The following ACAA2 variants were observed in gnomAD, a reference collection of about 807,000 sequenced individuals.
ACAA2 encodes 3-ketoacyl-CoA thiolase, mitochondrial.
ACAA2 carries 35 observed loss-of-function variants against 44.8 expected under a neutral mutation model. That is an observed-to-expected ratio of 0.78 (90% CI 0.60 to 1.04). The LOEUF (loss-of-function observed/expected upper bound fraction) is 1.04. Ranked by LOEUF, ACAA2 falls within the 50% of genes least tolerant of loss-of-function variation. The probability of loss-of-function intolerance (pLI) is 0.00; values close to 1 mark genes in which losing one functional copy is unlikely to be tolerated. For missense variants in ACAA2, 468 were observed against 482.6 expected, an observed-to-expected ratio of 0.97 and a Z score of 0.28; for synonymous variants, 142 against 166.5, an observed-to-expected ratio of 0.85 and a Z score of 1.13.
intron 1 of ACAA2, among the ~76,000 whole-genome samples, chr18:49,805,403 A>G (rs1423240608): frequency 6.6e-6 from 1 of 152,208 alleles, no homozygotes; most frequent in Non-Finnish European, 1.5e-5. Context: ...TTTTTTACAG[A>G]TACAAATTCA....
At chr18:49,802,624 A>T (rs1323532974) in intron 2 of ACAA2, 63 bp downstream of exon 2, 10 of 1,462,572 alleles carry the variant, frequency 6.8e-6, no homozygotes, top group Non-Finnish European at 9.3e-6. Context: ...ATGTTAAAGG[A>T]ATTATTTTTA....
At position 49,792,473 on chromosome 18, in the gene ACAA2, C is replaced by G. The variant is rs991069210; in HGVS notation, c.578-146G>C. 3 of 781,684 alleles carry G rather than the reference C, an allele frequency of 3.8e-6. No individual in the cohort carries two copies. The African/African-American group carries it at 5.3e-5, about 14-fold the overall frequency. The allele number at this position is 781,684 out of a possible 1,614,324, so 48.4% of individuals were successfully genotyped here. A position where few individuals can be genotyped will look rare whatever the true frequency, so the allele number is the denominator to read the frequency against. On this transcript the variant is annotated intron_variant, in intron 5 of 9. Coordinates refer to ENST00000285093, the MANE Select transcript of ACAA2 (RefSeq NM_006111.3). ...TCTTTATTAATTTTTGAGATGGAGTCTCACATTGTCGCCTGGGCTGGAGTG... is the reference window on the plus strand; with the variant it reads ...TCTTTATTAATTTTTGAGATGGAGTGTCACATTGTCGCCTGGGCTGGAGTG...
intron 3 of ACAA2, among the ~76,000 whole-genome samples, chr18:49,797,188 G>C (rs1354264820): frequency 6.6e-6 from 1 of 151,796 alleles, no homozygotes; most frequent in Non-Finnish European, 1.5e-5. Flanking sequence ...GACTACGCTA[G>C]GTATCTCAAA....
At chr18:49,806,716 T>C (rs1389752168) in intron 1 of ACAA2, among the ~76,000 whole-genome samples, 1 of 152,176 alleles carries the variant, frequency 6.6e-6, no homozygotes, top group Non-Finnish European at 1.5e-5. Context: ...TAGCATTCTA[T>C]TACAACTATG....
chr18:49,790,523 T>A, intron 7 of ACAA2, among the ~76,000 whole-genome samples: 1 of 152,204 alleles, frequency 6.6e-6, no homozygotes, highest in East Asian at 1.9e-4. Context: ...CTAAACAATC[T>A]GAAATCTATA....
At chr18:49,808,685 T>C (rs573152091) in intron 1 of ACAA2, among the ~76,000 whole-genome samples, 16 of 152,044 alleles carry the variant, frequency 1.1e-4, no homozygotes, top group Non-Finnish European at 2.1e-4. Context: ...ACAAAGATCA[T>C]ATGCTTCAAA....
chr18:49,812,095 C>T (rs1306036613), intron 1 of ACAA2, among the ~76,000 whole-genome samples: 1 of 152,142 alleles, frequency 6.6e-6, no homozygotes, highest in Non-Finnish European at 1.5e-5. Flanking sequence ...AAAAATTCAC[C>T]ACGCTGCTTT....
intron 1 of ACAA2, among the ~76,000 whole-genome samples, 154 bp downstream of exon 1, chr18:49,813,315 G>A (rs560663645): frequency 5.3e-5 from 8 of 152,334 alleles, no homozygotes; most frequent in Admixed American, 3.3e-4. Context: ...CAAGCCTTTC[G>A]GGCTGGGTTT....
At chr18:49,803,280 A>T (rs569979531) in intron 1 of ACAA2, among the ~76,000 whole-genome samples, 80 of 149,332 alleles carry the variant, frequency 5.4e-4, no homozygotes, top group South Asian at 1.7e-3. Context: ...AATAATAATA[A>T]TATCAATCCC....
At chr18:49,800,469 G>T (rs1056969709) in intron 2 of ACAA2, among the ~76,000 whole-genome samples, 5 of 152,214 alleles carry the variant, frequency 3.3e-5, no homozygotes, top group Non-Finnish European at 7.3e-5. Context: ...GGAAAGGTGG[G>T]GAAGGGATTG....
Position 49,791,565 on chromosome 18 carries a change from G to C in ACAA2, c.788C>G (p.Ala263Gly), listed in dbSNP as rs1484858167. The C allele has an allele frequency of 1.1e-5, 17 of 1,613,326 alleles. No homozygotes were observed. Among genetic ancestry groups the C allele is most frequent in the Non-Finnish European group, 1.4e-5 (16 of 1,179,876 alleles). The change falls in exon 7 of 10, where the codon GCT (alanine) becomes GGT (glycine). Residue 263 changes from alanine (A) to glycine (G), a missense_variant. Transcript: ENST00000285093. ...ATGTTTCTTAACAGCATCTTCACTAGCTATGATAACAGCTCCAGCACCATC... is the reference window on the plus strand; with the variant it reads ...ATGTTTCTTAACAGCATCTTCACTACCTATGATAACAGCTCCAGCACCATC... Reference protein sequence around the residue: ...VADGAGAVIIASEDAVKKHNF... With the variant: ...VADGAGAVIIGSEDAVKKHNF...
intron 2 of ACAA2, among the ~76,000 whole-genome samples, chr18:49,798,539 A>T (rs2023491173): frequency 6.6e-6 from 1 of 151,404 alleles, no homozygotes; most frequent in Non-Finnish European, 1.5e-5. Context: ...TGTTAGCAAG[A>T]GCAAAAGCAA....
intron 7 of ACAA2, among the ~76,000 whole-genome samples, chr18:49,789,296 C>CTAGA (rs111901329): frequency 0.015 from 2,343 of 152,238 alleles, 79 homozygotes; most frequent in African/African-American, 0.052. Context: ...CCAGTTCCCA[C>CTAGA]TAGATACTTA....
chr18:49,804,635 A>C (rs1329619430), intron 1 of ACAA2, among the ~76,000 whole-genome samples: 1 of 152,228 alleles, frequency 6.6e-6, no homozygotes, highest in Non-Finnish European at 1.5e-5. Flanking sequence ...GAATATAAGA[A>C]TATAACAAAA....
intron 1 of ACAA2, among the ~76,000 whole-genome samples, chr18:49,812,524 C>G (rs1257754282): frequency 6.6e-6 from 1 of 152,278 alleles, no homozygotes; most frequent in East Asian, 1.9e-4. Flanking sequence ...TCATCCCTCC[C>G]CTTTTCTCCC....
chr18:49,791,812 A>C (rs1442100067), intron 6 of ACAA2, among the ~76,000 whole-genome samples: 2 of 152,196 alleles, frequency 1.3e-5, no homozygotes, highest in African/African-American at 4.8e-5. Flanking sequence ...AAAGGGTGTC[A>C]AGGAAAAACT....
At chr18:49,803,064 C>A in intron 1 of ACAA2, 1 of 618,280 alleles carries the variant, frequency 1.6e-6, no homozygotes. Context: ...CATGCAGGTA[C>A]CAAGAACTGC....
chr18:49,788,036 G>C (rs1335129191), intron 7 of ACAA2, among the ~76,000 whole-genome samples: 2 of 152,090 alleles, frequency 1.3e-5, no homozygotes, highest in Non-Finnish European at 1.5e-5. Context: ...CAACTCCAAG[G>C]GTAGGCAGGA....
At chr18:49,804,956 C>A (rs987831600) in intron 1 of ACAA2, among the ~76,000 whole-genome samples, 2 of 152,318 alleles carry the variant, frequency 1.3e-5, no homozygotes, top group East Asian at 3.9e-4. Context: ...TAGGTGTCTA[C>A]TAAATACTAG....
Sources: allele counts gnomAD v4.1 joint callset (sites outside exome capture counted in the v4.1 genomes callset), GRCh38; gene constraint gnomAD v4.1.1; transcripts MANE v1.5; gene names NCBI Gene and HGNC (gene_info 2026-07-23, HGNC 2026-07-21).